DPYS: variants seen among roughly 807,000 people sequenced by gnomAD.
The protein encoded by DPYS is dihydropyrimidinase.
DPYS carries 39 observed loss-of-function variants against 50.3 expected under a neutral mutation model. The observed-to-expected ratio is 0.78, with a 90% confidence interval of 0.60 to 1.01. The LOEUF (loss-of-function observed/expected upper bound fraction) is 1.01, where lower values mean the gene tolerates loss of function less well. Ranked by LOEUF, DPYS falls within the 50% of genes least tolerant of loss-of-function variation. DPYS has a pLI of 0.00. For missense variants in DPYS, 659 were observed against 680.9 expected (o/e 0.97, Z 0.36); for synonymous variants, 245 against 250.7 (o/e 0.98, Z 0.22).
intron 1 of DPYS, among the ~76,000 whole-genome samples, chr8:104,466,403 C>G (rs1217224480): frequency 6.6e-6 from 1 of 152,152 alleles, no homozygotes; most frequent in Non-Finnish European, 1.5e-5. Flanking sequence ...AAATTAACCA[C>G]TAAAGGAGGA....
chr8:104,397,637 C>A (rs774177420), intron 7 of DPYS, among the ~76,000 whole-genome samples: 1 of 152,160 alleles, frequency 6.6e-6, no homozygotes, highest in Non-Finnish European at 1.5e-5. Context: ...ATATGAAATA[C>A]TTGTTCACTA....
chr8:104,430,978 T>G (rs1812935387), intron 4 of DPYS, among the ~76,000 whole-genome samples: 1 of 152,148 alleles, frequency 6.6e-6, no homozygotes, highest in Non-Finnish European at 1.5e-5. Context: ...TTTTAGTGAA[T>G]GAAGAGGTAA....
chr8:104,465,985 T>G (rs1207451284), intron 1 of DPYS, among the ~76,000 whole-genome samples: 1 of 151,320 alleles, frequency 6.6e-6, no homozygotes, highest in Non-Finnish European at 1.5e-5. Flanking sequence ...TGCGTTGGTG[T>G]GTGTGAGTGT....
intron 4 of DPYS, among the ~76,000 whole-genome samples, chr8:104,437,190 G>C (rs1813182113): frequency 6.6e-6 from 1 of 152,178 alleles, no homozygotes; most frequent in Non-Finnish European, 1.5e-5. Context: ...TCAAAGCTCA[G>C]TCGTCAGATT....
rs775479555 is a variant in DPYS at position 104,424,315 on chromosome 8, A to G, written c.1167T>C (p.Tyr389=). ...STNAAKIFNL[Y]PRKGRIAVGS... ...CTACAGCTATTCTTCCTTTTCTTGG[A>G]TAGAGATTAAAAATTTTGGCTGCAT... The change falls in exon 7 of 10, where the codon TAT becomes TAC. Residue 389 remains tyrosine, a synonymous_variant. Coordinates refer to ENST00000351513, the MANE Select transcript of DPYS (RefSeq NM_001385.3). The G allele has an allele frequency of 5.6e-6, 9 of 1,614,128 alleles. No individual in the cohort carries two copies. The South Asian group carries it at 7.7e-5, about 14-fold the overall frequency.
intron 3 of DPYS, among the ~76,000 whole-genome samples, chr8:104,445,270 T>G (rs936758521): frequency 6.6e-6 from 1 of 152,198 alleles, no homozygotes; most frequent in African/African-American, 2.4e-5. Flanking sequence ...TGGACATATA[T>G]GCAAAAGAAA....
At chr8:104,381,061 ATTGT>A (rs1811013705) in intron 9 of DPYS, 119 bp downstream of exon 9, 2 of 828,380 alleles carry the variant, frequency 2.4e-6, no homozygotes, top group Admixed American at 3.8e-5. Flanking sequence ...CCTTGGCTCA[ATTGT>A]CCTTGAGTCT....
intron 7 of DPYS, among the ~76,000 whole-genome samples, chr8:104,394,115 T>C (rs750702459): frequency 6.6e-6 from 1 of 152,238 alleles, no homozygotes; most frequent in Non-Finnish European, 1.5e-5. Context: ...TAAATTCTGG[T>C]AGAAGGTTCT....
At chr8:104,393,130 T>C in intron 7 of DPYS, 139 bp from the exon 8 acceptor site, 1 of 748,204 alleles carries the variant, frequency 1.3e-6, no homozygotes, top group Non-Finnish European at 2.2e-6. Context: ...AACAAGTAAC[T>C]TTAAGAATAG....
At chr8:104,447,050 T>G (rs190245616) in intron 3 of DPYS, among the ~76,000 whole-genome samples, 51 of 152,310 alleles carry the variant, frequency 3.3e-4, no homozygotes, top group African/African-American at 3.4e-4. Flanking sequence ...TTTTCATAAC[T>G]GCACATGTTT....
At chr8:104,423,436 G>A (rs1482837181) in intron 7 of DPYS, among the ~76,000 whole-genome samples, 5 of 152,118 alleles carry the variant, frequency 3.3e-5, no homozygotes, top group Non-Finnish European at 5.9e-5. Context: ...ATTGAAGCTG[G>A]GCCTTTGTGA....
In DPYS at chr8:104,451,412, C is replaced by T. The variant is rs1813736541; in HGVS notation, c.265-8G>A. 2 of 1,614,014 alleles carry T rather than the reference C, an allele frequency of 1.2e-6. No homozygotes were observed. Among genetic ancestry groups the T allele is most frequent in the Middle Eastern group, 1.7e-4 (1 of 6,060 alleles). On this transcript the variant is annotated splice_polypyrimidine_tract_variant and splice_region_variant and intron_variant, in intron 1 of 9. Coordinates refer to ENST00000351513, the MANE Select transcript of DPYS (RefSeq NM_001385.3). ...GCCTCCTGAGAGAGCAGCCTGGAAT[C>T]ATAAGAGGTTTTCAACAAATTAGCT...
At chr8:104,381,721 C>T (rs970967266) in intron 8 of DPYS, among the ~76,000 whole-genome samples, 25 of 152,286 alleles carry the variant, frequency 1.6e-4, no homozygotes, top group Admixed American at 4.6e-4. Context: ...CAATTGGGTA[C>T]GCTTTCCACT....
intron 7 of DPYS, among the ~76,000 whole-genome samples, chr8:104,403,412 G>A (rs1307884856): frequency 3.3e-5 from 5 of 151,842 alleles, no homozygotes; most frequent in East Asian, 3.9e-4. Flanking sequence ...CAGAGAACAC[G>A]AGGCTTGCCA....
At chr8:104,438,178 T>C (rs1813214086) in intron 4 of DPYS, among the ~76,000 whole-genome samples, 1 of 152,164 alleles carries the variant, frequency 6.6e-6, no homozygotes, top group Admixed American at 6.5e-5. Flanking sequence ...CAGAATGACA[T>C]CTCTACTGCA....
intron 7 of DPYS, among the ~76,000 whole-genome samples, chr8:104,414,063 T>C (rs773966869): frequency 5.9e-5 from 9 of 152,188 alleles, no homozygotes; most frequent in Non-Finnish European, 1.2e-4. Flanking sequence ...TATGAGAATG[T>C]AGATATATTC....
chr8:104,455,759 C>T (rs573774548), intron 1 of DPYS, among the ~76,000 whole-genome samples: 52 of 151,984 alleles, frequency 3.4e-4, no homozygotes, highest in Non-Finnish European at 5.6e-4. Context: ...ACACTCTGCA[C>T]GAACACAAAA....
chr8:104,400,592 G>T (rs571363783), intron 7 of DPYS, among the ~76,000 whole-genome samples: 1 of 152,292 alleles, frequency 6.6e-6, no homozygotes, highest in African/African-American at 2.4e-5. Context: ...ACCATCTAGG[G>T]AGTGAGGCTG....
At chr8:104,424,054 C>A (rs1052584401) in intron 7 of DPYS, 193 bp downstream of exon 7, 7 of 984,474 alleles carry the variant, frequency 7.1e-6, no homozygotes, top group East Asian at 1.1e-4. Flanking sequence ...ACTTCTACAT[C>A]CTCTATGCCA....
Sources: gnomAD v4.1 joint callset for allele counts (sites outside exome capture counted in the v4.1 genomes callset) on GRCh38, gnomAD v4.1.1 for gene constraint, MANE v1.5 for transcripts, NCBI Gene and HGNC (gene_info 2026-07-23, HGNC 2026-07-21) for gene names.